OSBPL8: variants seen among roughly 807,000 people sequenced by gnomAD.
OSBPL8 encodes oxysterol-binding protein-related protein 8.
In OSBPL8, 59 loss-of-function variants were observed where a neutral mutation model predicts 125.5. That is an observed-to-expected ratio of 0.47 (90% CI 0.38 to 0.58). The LOEUF (loss-of-function observed/expected upper bound fraction) is 0.58. Among genes scored for constraint, OSBPL8 ranks in the 20% least tolerant of loss-of-function variants. OSBPL8 has a pLI of 0.00. For missense variants in OSBPL8, 758 were observed against 1,047.8 expected (o/e 0.72, Z 3.82); for synonymous variants, 330 against 338.9 (o/e 0.97, Z 0.29).
intron 3 of OSBPL8, among the ~76,000 whole-genome samples, chr12:76,451,215 A>G (rs1187760737): frequency 6.6e-6 from 1 of 152,166 alleles, no homozygotes; most frequent in South Asian, 2.1e-4. Context: ...CAAATTATAG[A>G]CATTATAATA....
chr12:76,373,246 T>C (rs568991168), intron 18 of OSBPL8, 98 bp downstream of exon 18: 193 of 714,722 alleles, frequency 2.7e-4, no homozygotes, highest in Middle Eastern at 1.0e-3. Context: ...TAAATAGTGA[T>C]GTTTTCAGCA....
intron 21 of OSBPL8, among the ~76,000 whole-genome samples, chr12:76,367,012 T>C (rs931306487): frequency 6.6e-6 from 1 of 152,218 alleles, no homozygotes; most frequent in African/African-American, 2.4e-5. Flanking sequence ...AGAATGTGTA[T>C]TCTTCCATGG....
rs751129414 is a variant in OSBPL8 at position 76,369,254 on chromosome 12, T to C, written c.2288A>G (p.Asp763Gly). The C allele has an allele frequency of 8.1e-6, 13 of 1,612,392 alleles. No homozygotes were observed. The South Asian group carries it at 1.4e-4, about 18-fold the overall frequency. Reference sequence around the variant, plus strand: ...TTTCACTTTGGTCTGAATAACACCATCTTTTTCAAACTGTATCATATCATT... The same window carrying C: ...TTTCACTTTGGTCTGAATAACACCACCTTTTTCAAACTGTATCATATCATT... ...PLNDMIQFEK[D>G]GVIQTKVKHR... The change falls in exon 21 of 24, where the codon GAT becomes GGT. Residue 763 changes from aspartate to glycine, a missense_variant. Asp to Gly is a moderately conservative substitution (Grantham distance 94). This residue lies in a region of OSBPL8 where 572 missense variants were observed against 762.0 expected (regional missense o/e 0.75). Coordinates refer to ENST00000261183, the MANE Select transcript of OSBPL8 (RefSeq NM_020841.5).
rs1352701905 is a variant in OSBPL8 at position 76,355,075 on chromosome 12, T to C, written c.*814A>G. 3.9e-5 allele frequency: 6 copies of C among 152,450 alleles called. No individual in the cohort carries two copies. The highest frequency in any genetic ancestry group is 1.2e-4 in the African/African-American group (5 of 41,452). The allele number at this position is 152,450 out of a possible 1,614,324, so 9.4% of individuals were successfully genotyped here. On this transcript the variant is annotated 3_prime_UTR_variant, in exon 24 of 24. Coordinates refer to ENST00000261183, the MANE Select transcript of OSBPL8 (RefSeq NM_020841.5). Reference sequence around the variant, plus strand: ...AATTTGGCCTATGTTATGAACCAGCTGACTTAAGAAAAACAAAAATAAGAC... The same window carrying C: ...AATTTGGCCTATGTTATGAACCAGCCGACTTAAGAAAAACAAAAATAAGAC...
intron 2 of OSBPL8, among the ~76,000 whole-genome samples, chr12:76,462,481 C>A (rs539203059): frequency 6.6e-6 from 1 of 152,232 alleles, no homozygotes; most frequent in African/African-American, 2.4e-5. Context: ...TCCATTCATC[C>A]ATTTAACAAA....
chr12:76,553,445 T>G (rs1179577857), intron 1 of OSBPL8, among the ~76,000 whole-genome samples: 1 of 151,484 alleles, frequency 6.6e-6, no homozygotes, highest in East Asian at 1.9e-4. Context: ...GGGAGAATCA[T>G]TTGAGGCTAG....
rs1299574246 is a variant in OSBPL8, at chr12:76,358,710, A to C, written c.2430T>G (p.Ser810Arg). 1 of 1,605,538 alleles carries C rather than the reference A, an allele frequency of 6.2e-7. No individual in the cohort carries two copies. The highest frequency in any genetic ancestry group is 1.1e-5 in the South Asian group (1 of 90,906). The stretch of plus-strand genomic sequence containing the variant: ...GTCTGCAATAAATATTTTTACCTTC[A>C]CTTCCAGAGGAGTCTTGAATGTCAG... ...PEPDIQDSSG[S>R]EAQSVKPSTR... is the part of the protein sequence containing the mutation. Residue 810 changes from serine to arginine, a missense_variant, in exon 22 of 24, where the codon AGT becomes AGG. By Grantham distance (110) the Ser-to-Arg change is moderately radical. Coordinates refer to ENST00000261183, the MANE Select transcript of OSBPL8 (RefSeq NM_020841.5).
chr12:76,401,610 TC>T (rs1410377595), intron 6 of OSBPL8, among the ~76,000 whole-genome samples: 4 of 152,134 alleles, frequency 2.6e-5, no homozygotes, highest in Non-Finnish European at 5.9e-5. Context: ...GCAAACTAGC[TC>T]CCAAAGCTAT....
At chr12:76,513,610 T>G (rs755015468) in intron 1 of OSBPL8, among the ~76,000 whole-genome samples, 2 of 152,176 alleles carry the variant, frequency 1.3e-5, no homozygotes, top group Non-Finnish European at 2.9e-5. Context: ...GGTGCTCCTG[T>G]GTTGGGTGCA....
intron 4 of OSBPL8, among the ~76,000 whole-genome samples, chr12:76,431,052 T>C (rs1456114191): frequency 2.0e-5 from 3 of 152,028 alleles, no homozygotes; most frequent in South Asian, 2.1e-4. Context: ...AGAATAACTA[T>C]AAAGACAAAC....
At position 76,384,283 on chromosome 12, in the gene OSBPL8, C is replaced by G; in HGVS notation, c.1601G>C (p.Gly534Ala). The G allele has an allele frequency of 6.4e-7, 1 of 1,563,114 alleles. No homozygotes were observed. Reference protein sequence around the residue: ...SNRKDGFCLSGSILAKSKFYG... With the variant: ...SNRKDGFCLSASILAKSKFYG... Reference sequence around the variant, plus strand: ...AAACTTAGACTTAGCCAGGATACTACCGCTAAGGCAAAATCCATCTTTTCG... The same window carrying G: ...AAACTTAGACTTAGCCAGGATACTAGCGCTAAGGCAAAATCCATCTTTTCG... Residue 534 changes from glycine (G) to alanine (A), a missense_variant, in exon 15 of 24, where the codon GGT becomes GCT. Around this residue, in one of 3 missense-constraint regions of OSBPL8, gnomAD observed 572 missense variants for 762.0 expected, o/e 0.75. Coordinates refer to ENST00000261183, the MANE Select transcript of OSBPL8 (RefSeq NM_020841.5).
rs2136109774 is a variant in OSBPL8 at position 76,355,080 on chromosome 12, T to TC, written c.*808_*809insG. The stretch of plus-strand genomic sequence containing the variant: ...GGCCTATGTTATGAACCAGCTGACT[T>TC]AAGAAAAACAAAAATAAGACAAAAG... On this transcript the variant is annotated 3_prime_UTR_variant, in exon 24 of 24. Transcript: ENST00000261183. The TC allele has an allele frequency of 6.6e-6, 1 of 152,544 alleles. No individual in the cohort carries two copies. Among genetic ancestry groups the TC allele is most frequent in the East Asian group, 1.9e-4 (1 of 5,178 alleles). The allele number at this position is 152,544 out of a possible 1,614,324, so 9.4% of individuals were successfully genotyped here. A position where few individuals can be genotyped will look rare whatever the true frequency, so the allele number is the denominator to read the frequency against.
intron 2 of OSBPL8, among the ~76,000 whole-genome samples, chr12:76,485,697 T>C (rs1308031646): frequency 6.6e-6 from 1 of 152,204 alleles, no homozygotes. Context: ...AGTAAAGTAT[T>C]CAGAGACAGA....
intron 1 of OSBPL8, among the ~76,000 whole-genome samples, chr12:76,545,468 C>G (rs1249446261): frequency 2.6e-5 from 4 of 152,160 alleles, no homozygotes; most frequent in Admixed American, 2.0e-4. Context: ...CATACTTAAG[C>G]TGACGGTTCA....
rs550625181 is a variant in OSBPL8, at chr12:76,368,773, ATGAGTGCC to A, written c.2328+433_2328+440del. Among the ~76,000 whole-genome samples, 391 of 152,236 alleles carry A rather than the reference ATGAGTGCC, an allele frequency of 2.6e-3. 2 individuals carry two copies. The highest frequency in any genetic ancestry group is 9.1e-3 in the African/African-American group (377 of 41,520). ...TTTGTCTTTATTGATTTTCTCAGAG[ATGAGTGCC>A]TGTGTAAGTCCTTCAGGTAGTATTC... is the stretch of plus-strand genomic sequence containing the variant. On this transcript the variant is annotated intron_variant, in intron 21 of 23. Transcript: ENST00000261183.
rs145687088 is a variant in OSBPL8, at chr12:76,556,131, C to T, written c.-68+3266G>A. Among the ~76,000 whole-genome samples, 11 of 152,336 alleles carry T rather than the reference C, an allele frequency of 7.2e-5. 1 individual carries two copies. In the East Asian group the frequency reaches 1.4e-3, roughly 19 times the overall value. On this transcript the variant is annotated intron_variant, in intron 1 of 23. Coordinates refer to ENST00000261183, the MANE Select transcript of OSBPL8 (RefSeq NM_020841.5). ...TTAGTTTGGACTACATTATCAGATACTCCTTTTGTTCTCCAGTCATATATC... is the reference window on the plus strand; with the variant it reads ...TTAGTTTGGACTACATTATCAGATATTCCTTTTGTTCTCCAGTCATATATC...
intron 21 of OSBPL8, among the ~76,000 whole-genome samples, chr12:76,368,775 G>A (rs1952511860): frequency 1.3e-5 from 2 of 151,464 alleles, no homozygotes; most frequent in Non-Finnish European, 1.5e-5. Context: ...TCTCAGAGAT[G>A]AGTGCCTGTG....
At chr12:76,436,679 T>C (rs541087278) in intron 4 of OSBPL8, among the ~76,000 whole-genome samples, 3 of 152,318 alleles carry the variant, frequency 2.0e-5, no homozygotes, top group African/African-American at 7.2e-5. Flanking sequence ...TACTCATTTT[T>C]TTCATCTAGT....
chr12:76,367,492 G>C (rs935470656), intron 21 of OSBPL8, among the ~76,000 whole-genome samples: 2 of 151,918 alleles, frequency 1.3e-5, no homozygotes, highest in African/African-American at 2.4e-5. Flanking sequence ...CAAATAGTTG[G>C]GTCATGTTTA....
Sources: gnomAD v4.1 joint callset for allele counts (sites outside exome capture counted in the v4.1 genomes callset) on GRCh38, gnomAD v4.1.1 for gene constraint, gnomAD v4.1.1 regional missense constraint, MANE v1.5 for transcripts, NCBI Gene and HGNC (gene_info 2026-07-23, HGNC 2026-07-21) for gene names.